The following ENAH variants were observed in gnomAD, a reference collection of about 807,000 sequenced individuals.
ENAH encodes ENAH actin regulator.
ENAH carries 23 observed loss-of-function variants against 78.7 expected under a neutral mutation model. The observed-to-expected ratio is 0.29, with a 90% CI of 0.21 to 0.41. The LOEUF is 0.41. ENAH is among the 10% of genes least tolerant of loss of function. ENAH has a pLI of 1.00. For missense variants in ENAH, 544 were observed against 691.0 expected, an observed-to-expected ratio of 0.79 and a Z score of 2.39; for synonymous variants, 226 against 241.0, an observed-to-expected ratio of 0.94 and a Z score of 0.58.
intron 11 of ENAH, among the ~76,000 whole-genome samples, chr1:225,507,203 A>T (rs1437914452): frequency 6.6e-6 from 1 of 152,126 alleles, no homozygotes; most frequent in Non-Finnish European, 1.5e-5. Context: ...TTCTAACTTG[A>T]TTACACTTAC....
chr1:225,605,131 A>T (rs968080617), intron 1 of ENAH, among the ~76,000 whole-genome samples: 5 of 152,230 alleles, frequency 3.3e-5, no homozygotes, highest in African/African-American at 1.2e-4. Flanking sequence ...CTGACAAGCG[A>T]CTGGGTAAAT....
At chr1:225,514,034 T>G (rs1168768071) in intron 7 of ENAH, among the ~76,000 whole-genome samples, 1 of 152,020 alleles carries the variant, frequency 6.6e-6, no homozygotes, top group African/African-American at 2.4e-5. Flanking sequence ...AGGAAACATA[T>G]CCAAAGAAGG....
chr1:225,637,080 A>G (rs972334422), intron 1 of ENAH, among the ~76,000 whole-genome samples: 1 of 152,208 alleles, frequency 6.6e-6, no homozygotes, highest in Non-Finnish European at 1.5e-5. Flanking sequence ...GTGAATTCAC[A>G]TGGGGAGTAT....
chr1:225,496,382 G>A lies in ENAH; in HGVS notation c.*1393C>T, dbSNP rs2096249961. On this transcript the variant is annotated 3_prime_UTR_variant, in exon 14 of 14. Transcript: ENST00000366843. ...TCACTTTACTTATTAAAAGAAAACT[G>A]CAGAACTCCTCATTGGTTTTCCTTT... 1 of 152,154 alleles carries A rather than the reference G, an allele frequency of 6.6e-6. No homozygotes were observed. 9.4% of individuals were successfully genotyped at this position (152,154 alleles called of 1,614,324 possible). A position where few individuals can be genotyped will look rare whatever the true frequency, so the allele number is the denominator to read the frequency against.
chr1:225,513,117 T>A (rs2096389818), intron 7 of ENAH, 101 bp from the exon 8 acceptor site: 3 of 1,028,112 alleles, frequency 2.9e-6, no homozygotes, highest in Non-Finnish European at 4.1e-6. Context: ...GCATTAATTT[T>A]AAAAAACCTA....
Position 225,496,370 on chromosome 1 carries a change from TAAAAGA to T in ENAH, c.*1399_*1404del, listed in dbSNP as rs1193566482. On this transcript the variant is annotated 3_prime_UTR_variant, in exon 14 of 14. Transcript: ENST00000366843. Reference sequence around the variant, plus strand: ...ACCACCCAAGTCTCACTTTACTTATTAAAAGAAAACTGCAGAACTCCTCATTGGTTT... The same window carrying T: ...ACCACCCAAGTCTCACTTTACTTATTAAACTGCAGAACTCCTCATTGGTTT... 1 of 152,248 alleles carries T rather than the reference TAAAAGA, an allele frequency of 6.6e-6. No individual in the cohort carries two copies. The highest frequency in any genetic ancestry group is 2.4e-5 in the African/African-American group (1 of 41,470). 9.4% of individuals were successfully genotyped at this position (152,248 alleles called of 1,614,324 possible).
chr1:225,543,132 C>T (rs2096597699), intron 3 of ENAH, among the ~76,000 whole-genome samples: 1 of 152,080 alleles, frequency 6.6e-6, no homozygotes, highest in South Asian at 2.1e-4. Flanking sequence ...ATCTTCCTAG[C>T]AATATAAGGC....
intron 2 of ENAH, among the ~76,000 whole-genome samples, chr1:225,564,358 C>T (rs1377364975): frequency 3.3e-5 from 5 of 151,808 alleles, no homozygotes; most frequent in African/African-American, 9.7e-5. Flanking sequence ...GGCGCAATCT[C>T]GGCTCACCGC....
Position 225,512,875 on chromosome 1 carries a change from T to C in ENAH, c.1360A>G (p.Arg454Gly). 1 of 1,613,328 alleles carries C rather than the reference T, an allele frequency of 6.2e-7. No individual in the cohort carries two copies. The highest frequency in any genetic ancestry group is 2.2e-5 in the East Asian group (1 of 44,866). The change falls in exon 8 of 14, where the codon AGG becomes GGG. Residue 454 changes from arginine to glycine, a missense_variant. Physicochemically the swap from Arg to Gly is moderately radical, Grantham distance 125. This residue lies in a region of ENAH where 4 missense variants were observed against 18.7 expected (regional missense o/e 0.21). Coordinates refer to ENST00000366843, the MANE Select transcript of ENAH (RefSeq NM_018212.6). ...LMEEMSALLA[R>G]RRRIAEKGST... The stretch of plus-strand genomic sequence containing the variant: ...CATTATAATGAAATTCCTTACCTCC[T>C]GGCCAGCAGGGCACTCATTTCTTCC...
chr1:225,548,983 G>A (rs543516917), intron 3 of ENAH, among the ~76,000 whole-genome samples: 134 of 151,704 alleles, frequency 8.8e-4, no homozygotes, highest in African/African-American at 3.0e-3. Context: ...CCGAGTAATT[G>A]GGACTACAGG....
At position 225,569,440 on chromosome 1, in the gene ENAH, G is replaced by A. The variant is rs143383333; in HGVS notation, c.6-2026C>T. 5.0e-3 allele frequency among the ~76,000 whole-genome samples: 765 copies of A among 152,202 alleles called. 9 individuals are homozygous for A. Among genetic ancestry groups the A allele is most frequent in the African/African-American group, 0.017 (717 of 41,520 alleles). ...GTATACCTATGTAACAAACCTGCACGTTGTGCACATGTACCCTAGAACTTA... is the reference window on the plus strand; with the variant it reads ...GTATACCTATGTAACAAACCTGCACATTGTGCACATGTACCCTAGAACTTA... On this transcript the variant is annotated intron_variant, in intron 1 of 13. Coordinates refer to ENST00000366843, the MANE Select transcript of ENAH (RefSeq NM_018212.6).
intron 1 of ENAH, among the ~76,000 whole-genome samples, chr1:225,628,603 C>T (rs866187184): frequency 4.6e-5 from 7 of 152,054 alleles, no homozygotes; most frequent in Non-Finnish European, 1.0e-4. Flanking sequence ...AAAAGAAGAA[C>T]ATTTTTTTAA....
At chr1:225,530,431 T>C in intron 4 of ENAH, 123 bp downstream of exon 4, 1 of 706,216 alleles carries the variant, frequency 1.4e-6, no homozygotes, top group South Asian at 2.0e-5. Context: ...AACTTACTAA[T>C]GTAAGAATAA....
chr1:225,650,353 T>G (rs1165862354), intron 1 of ENAH, among the ~76,000 whole-genome samples: 1 of 152,180 alleles, frequency 6.6e-6, no homozygotes, highest in African/African-American at 2.4e-5. Flanking sequence ...CTACACTTCA[T>G]AAGGAACAGA....
In ENAH at chr1:225,517,850, T is replaced by C. The variant is rs1273552258; in HGVS notation, c.803-544A>G. ...GGTGTGGAAGTAGGTGGCAAAGCAG[T>C]CACTACAGCATAATCAGGAGTGGCA... On this transcript the variant is annotated intron_variant, in intron 5 of 13. Coordinates refer to ENST00000366843, the MANE Select transcript of ENAH (RefSeq NM_018212.6). 3 of 1,551,372 alleles carry C rather than the reference T, an allele frequency of 1.9e-6. No homozygotes were observed. The South Asian group carries it at 3.6e-5, about 18-fold the overall frequency.
chr1:225,613,844 T>C (rs993562322), intron 1 of ENAH, among the ~76,000 whole-genome samples: 1 of 152,178 alleles, frequency 6.6e-6, no homozygotes, highest in East Asian at 1.9e-4. Flanking sequence ...TCTGACACTA[T>C]GTGGAAATAA....
intron 1 of ENAH, among the ~76,000 whole-genome samples, chr1:225,578,440 A>C (rs1367520037): frequency 6.6e-6 from 1 of 152,224 alleles, no homozygotes; most frequent in Non-Finnish European, 1.5e-5. Flanking sequence ...GAGCCACTGC[A>C]TTCCAGCTTG....
chr1:225,615,056 C>G (rs1342441611), intron 1 of ENAH, among the ~76,000 whole-genome samples: 1 of 151,986 alleles, frequency 6.6e-6, no homozygotes, highest in Non-Finnish European at 1.5e-5. Context: ...CTCCCTCTCC[C>G]TCTCCCTCTC....
chr1:225,519,185 G>T lies in ENAH; in HGVS notation c.802+13C>A, dbSNP rs1477472482. 3 of 1,611,682 alleles carry T rather than the reference G, an allele frequency of 1.9e-6. No individual in the cohort carries two copies. In the East Asian group the frequency reaches 6.7e-5, roughly 36 times the overall value. ...CAGATACAAGAACACAGAAGAGTTT[G>T]TAAACTTCTTACCAGCACTTGATAT... is the stretch of plus-strand genomic sequence containing the variant. On this transcript the variant is annotated intron_variant, in intron 5 of 13. Transcript: ENST00000366843.
Sources: allele counts gnomAD v4.1 joint callset (sites outside exome capture counted in the v4.1 genomes callset), GRCh38; gene constraint gnomAD v4.1.1; regional missense constraint gnomAD v4.1.1; transcripts MANE v1.5; gene names NCBI Gene and HGNC (gene_info 2026-07-23, HGNC 2026-07-21).